Variants in CADM2 observed in about 807,000 individuals in gnomAD.
CADM2 encodes immunoglobulin superfamily member 4D.
CADM2 carries 12 observed loss-of-function variants against 49.8 expected under a neutral mutation model. The observed-to-expected ratio is 0.24, with a 90% CI of 0.15 to 0.39. The LOEUF (loss-of-function observed/expected upper bound fraction) is 0.39. CADM2 is among the 10% of genes least tolerant of loss of function. CADM2 has a pLI of 1.00. For missense variants in CADM2, 378 were observed against 492.3 expected (o/e 0.77, Z 2.20); for synonymous variants, 214 against 175.4 (o/e 1.22, Z -1.74).
At chr3:85,619,194 TAGTC>T (rs1026371294) in intron 1 of CADM2, among the ~76,000 whole-genome samples, 4 of 152,156 alleles carry the variant, frequency 2.6e-5, no homozygotes, top group South Asian at 2.1e-4. Context: ...TGCGGATTGA[TAGTC>T]AGTAGATGAA....
chr3:85,702,180 C>A (rs939820968), intron 1 of CADM2, among the ~76,000 whole-genome samples: 3 of 152,220 alleles, frequency 2.0e-5, no homozygotes, highest in Middle Eastern at 3.4e-3. Context: ...GCCTCACAGT[C>A]ATTTCTTTCT....
intron 1 of CADM2, among the ~76,000 whole-genome samples, chr3:85,480,532 TA>T (rs2039169233): frequency 6.6e-6 from 1 of 151,856 alleles, no homozygotes; most frequent in Non-Finnish European, 1.5e-5. Flanking sequence ...TTGAGATGAT[TA>T]AATGAGCTAA....
rs541317968 is a variant in CADM2 at position 85,768,192 on chromosome 3, A to G, written c.89-33855A>G. Among the ~76,000 whole-genome samples, 27 of 152,172 alleles carry G rather than the reference A, an allele frequency of 1.8e-4. No homozygotes were observed. The East Asian group carries it at 4.8e-3, about 27-fold the overall frequency. On this transcript the variant is annotated intron_variant, in intron 2 of 9. Coordinates refer to ENST00000383699, the MANE Select transcript of CADM2 (RefSeq NM_001167675.2). The stretch of plus-strand genomic sequence containing the variant: ...CCGGGCGCAGTGGCTCACGCCTGTA[A>G]TCCCAGCACTTTGAGAGGCAGAGGC...
At chr3:85,474,890 C>T (rs1230460819) in intron 1 of CADM2, among the ~76,000 whole-genome samples, 1 of 151,854 alleles carries the variant, frequency 6.6e-6, no homozygotes, top group African/African-American at 2.4e-5. Flanking sequence ...AATAAAGGTG[C>T]TCCATGTGTT....
At chr3:85,369,883 CA>C (rs1415273648) in intron 1 of CADM2, among the ~76,000 whole-genome samples, 1 of 151,840 alleles carries the variant, frequency 6.6e-6, no homozygotes, top group East Asian at 1.9e-4. Flanking sequence ...TGAAACCCTC[CA>C]AGATATTTAA....
At chr3:84,983,208 T>C (rs1038580103) in intron 1 of CADM2, among the ~76,000 whole-genome samples, 5 of 152,150 alleles carry the variant, frequency 3.3e-5, no homozygotes, top group Admixed American at 1.3e-4. Flanking sequence ...TAAAAGACCA[T>C]TTAAAATAGA....
At chr3:85,892,539 A>T (rs904822997) in intron 5 of CADM2, among the ~76,000 whole-genome samples, 4 of 151,984 alleles carry the variant, frequency 2.6e-5, no homozygotes, top group Admixed American at 2.0e-4. Flanking sequence ...ATGAGATCTG[A>T]TGGCTTTATA....
At chr3:85,888,508 A>G (rs992320760) in intron 5 of CADM2, among the ~76,000 whole-genome samples, 1 of 152,226 alleles carries the variant, frequency 6.6e-6, no homozygotes, top group Admixed American at 6.5e-5. Context: ...TCTATGCAGT[A>G]CTGAAAACTT....
chr3:85,883,489 T>A (rs768882463), intron 4 of CADM2, 46 bp downstream of exon 4: 2 of 1,491,660 alleles, frequency 1.3e-6, no homozygotes, highest in South Asian at 2.5e-5. Flanking sequence ...ACCAGAATGA[T>A]ATATATTGCT....
Position 85,239,295 on chromosome 3 carries a change from A to C in CADM2, c.61+279627A>C, listed in dbSNP as rs548785441. 3.7e-4 allele frequency among the ~76,000 whole-genome samples: 56 copies of C among 151,970 alleles called. 1 individual carries two copies. The highest frequency in any genetic ancestry group is 1.5e-3 in the Admixed American group (23 of 15,206). The stretch of plus-strand genomic sequence containing the variant: ...TTTGACAGAGCTGTTGCCAGTGGAT[A>C]TACTTTAGATGGCAGACTGTGTGAA... On this transcript the variant is annotated intron_variant, in intron 1 of 9. Coordinates refer to ENST00000383699, the MANE Select transcript of CADM2 (RefSeq NM_001167675.2).
chr3:85,196,164 T>A (rs954930575), intron 1 of CADM2, among the ~76,000 whole-genome samples: 1 of 152,048 alleles, frequency 6.6e-6, no homozygotes, highest in Non-Finnish European at 1.5e-5. Context: ...TTGCCAAACT[T>A]TTTTCTACCT....
At chr3:85,442,533 A>G (rs2037251661) in intron 1 of CADM2, among the ~76,000 whole-genome samples, 1 of 149,160 alleles carries the variant, frequency 6.7e-6, no homozygotes, top group South Asian at 2.1e-4. Flanking sequence ...GGTTAAGAAT[A>G]TTAAAAATTT....
At chr3:85,595,342 A>T in intron 1 of CADM2, among the ~76,000 whole-genome samples, 1 of 152,000 alleles carries the variant, frequency 6.6e-6, no homozygotes, top group East Asian at 1.9e-4. Context: ...TCATTTTATG[A>T]CTTCTGATAT....
chr3:85,457,957 T>A (rs1400992030), intron 1 of CADM2, among the ~76,000 whole-genome samples: 1 of 147,776 alleles, frequency 6.8e-6, no homozygotes, highest in African/African-American at 2.4e-5. Context: ...ATGATTAGGT[T>A]TTTTGGGCTA....
chr3:85,931,456 T>G (rs140837326), intron 6 of CADM2, among the ~76,000 whole-genome samples: 70 of 151,636 alleles, frequency 4.6e-4, no homozygotes, highest in Middle Eastern at 3.4e-3. Context: ...AAAAAGAAAA[T>G]AAAAAGAATA....
At chr3:85,865,291 A>G (rs2075682564) in intron 3 of CADM2, among the ~76,000 whole-genome samples, 2 of 152,226 alleles carry the variant, frequency 1.3e-5, no homozygotes, top group South Asian at 4.1e-4. Flanking sequence ...AAGACCTGCA[A>G]CTAAGCAGAC....
At chr3:85,708,191 A>G (rs1423526270) in intron 1 of CADM2, among the ~76,000 whole-genome samples, 2 of 152,196 alleles carry the variant, frequency 1.3e-5, no homozygotes, top group Non-Finnish European at 2.9e-5. Context: ...GGAAGAATGT[A>G]GATACTAAAA....
intron 1 of CADM2, among the ~76,000 whole-genome samples, chr3:85,335,181 A>C (rs932175723): frequency 6.6e-6 from 1 of 151,610 alleles, no homozygotes; most frequent in African/African-American, 2.4e-5. Flanking sequence ...TTCATTTTCT[A>C]TTGATGTCTC....
Position 86,015,994 on chromosome 3 carries a change from A to G in CADM2, c.971-49611A>G, listed in dbSNP as rs192008842. ...TTTTGATGAAGAAAATCCATTTTGT[A>G]TAGTTTATTTCAATCAAAACAAAAT... On this transcript the variant is annotated intron_variant, in intron 8 of 9. Coordinates refer to ENST00000383699, the MANE Select transcript of CADM2 (RefSeq NM_001167675.2). 7.2e-5 allele frequency among the ~76,000 whole-genome samples: 11 copies of G among 152,318 alleles called. No individual in the cohort carries two copies. The East Asian group carries it at 1.7e-3, about 24-fold the overall frequency.
Sources: allele counts gnomAD v4.1 joint callset (sites outside exome capture counted in the v4.1 genomes callset), GRCh38; gene constraint gnomAD v4.1.1; transcripts MANE v1.5; gene names NCBI Gene and HGNC (gene_info 2026-07-23, HGNC 2026-07-21).